Variants in TRIOBP observed in about 807,000 individuals in gnomAD.
The protein encoded by TRIOBP is TRIO and F-actin binding protein, also known as TRIO and F-actin-binding protein.
Under a neutral mutation model 238.8 loss-of-function variants are expected in TRIOBP, and 169 were observed. The observed-to-expected ratio is 0.71, with a 90% CI of 0.62 to 0.80. The LOEUF is 0.80. TRIOBP is among the 30% of genes least tolerant of loss of function. TRIOBP has a pLI of 0.00. For missense variants in TRIOBP, 2,838 were observed against 3,122.6 expected (o/e 0.91, Z 2.17); for synonymous variants, 1,150 against 1,274.4 (o/e 0.90, Z 2.08).
In TRIOBP at chr22:37,775,062, C is replaced by T. The variant is rs932261344; in HGVS notation, c.*1282C>T. On this transcript the variant is annotated 3_prime_UTR_variant, in exon 24 of 24. Coordinates refer to ENST00000644935, the MANE Select transcript of TRIOBP (RefSeq NM_001039141.3). Reference sequence around the variant, plus strand: ...GGTCCAGCGGGCTGGGAGTCCTCACCATGGCTGGCTGTGCTGATTATGGTT... The same window carrying T: ...GGTCCAGCGGGCTGGGAGTCCTCACTATGGCTGGCTGTGCTGATTATGGTT... 1 of 152,280 alleles carries T rather than the reference C, an allele frequency of 6.6e-6. No homozygotes were observed. Among genetic ancestry groups the T allele is most frequent in the African/African-American group, 2.4e-5 (1 of 41,424 alleles). 9.4% of individuals were successfully genotyped at this position (152,280 alleles called of 1,614,324 possible).
chr22:37,758,754 G>A (rs906603532), intron 16 of TRIOBP, among the ~76,000 whole-genome samples: 6 of 151,988 alleles, frequency 3.9e-5, no homozygotes, highest in African/African-American at 1.5e-4. Context: ...CTCCCTGCCT[G>A]CACTGACTCG....
Position 37,725,792 on chromosome 22 carries a change from A to G in TRIOBP, c.3236A>G (p.His1079Arg), listed in dbSNP as rs544880907. Residue 1079 changes from histidine (H) to arginine (R), a missense_variant, in exon 7 of 24, where the codon CAC becomes CGC. This residue lies in a region of TRIOBP where 2,096 missense variants were observed against 2,137.4 expected (regional missense o/e 0.98). Transcript: ENST00000644935. ...DAPRASSPPR[H>R]TQFDPFPFLP... Reference sequence around the variant, plus strand: ...CCCCGGGCGTCCTCGCCCCCCCGCCACACCCAATTTGACCCCTTCCCCTTC... The same window carrying G: ...CCCCGGGCGTCCTCGCCCCCCCGCCGCACCCAATTTGACCCCTTCCCCTTC... 1 of 1,069,600 alleles carries G rather than the reference A, an allele frequency of 9.3e-7. No individual in the cohort carries two copies. Among genetic ancestry groups the G allele is most frequent in the Non-Finnish European group, 1.2e-6 (1 of 833,776 alleles). The allele number at this position is 1,069,600 out of a possible 1,614,324, so 66.3% of individuals were successfully genotyped here. A position where few individuals can be genotyped will look rare whatever the true frequency, so the allele number is the denominator to read the frequency against.
At position 37,735,439 on chromosome 22, in the gene TRIOBP, G is replaced by A; in HGVS notation, c.5103G>A (p.Leu1701=). The A allele has an allele frequency of 6.4e-7, 1 of 1,559,832 alleles. No individual in the cohort carries two copies. Among genetic ancestry groups the A allele is most frequent in the Non-Finnish European group, 8.7e-7 (1 of 1,152,856 alleles). The change falls in exon 9 of 24, where the codon CTG becomes CTA. Residue 1701 remains leucine (L), a synonymous_variant. Coordinates refer to ENST00000644935, the MANE Select transcript of TRIOBP (RefSeq NM_001039141.3). The stretch of plus-strand genomic sequence containing the variant: ...CGAAGGGCCCCAGCTTGCCAGAGCT[G>A]CAGGTAAGGAGGTTTCCACCCTCCC... ...STAKGPSLPE[L]QFQPEEPEES...
At chr22:37,710,310 T>C in intron 3 of TRIOBP, 117 bp from the exon 4 acceptor site, 3 of 1,474,388 alleles carry the variant, frequency 2.0e-6, no homozygotes, top group Non-Finnish European at 2.8e-6. Flanking sequence ...CCTTGAGAAG[T>C]GCAGGATCCC....
At position 37,735,012 on chromosome 22, in the gene TRIOBP, G is replaced by C; in HGVS notation, c.4676G>C (p.Trp1559Ser). 1.2e-6 allele frequency: 2 copies of C among 1,612,260 alleles called. No individual in the cohort carries two copies. The highest frequency in any genetic ancestry group is 1.7e-6 in the Non-Finnish European group (2 of 1,179,070). Reference sequence around the variant, plus strand: ...TCTGAGAGGCGACCCGAGCTTGACTGGAGGGATCTGCTTGGCCTTCTCCGG... The same window carrying C: ...TCTGAGAGGCGACCCGAGCTTGACTCGAGGGATCTGCTTGGCCTTCTCCGG... Reference protein sequence around the residue: ...RGSERRPELDWRDLLGLLRAP... With the variant: ...RGSERRPELDSRDLLGLLRAP... Residue 1559 changes from tryptophan to serine, a missense_variant, in exon 9 of 24, where the codon TGG becomes TCG. Trp to Ser is a radical substitution (Grantham distance 177). Around this residue, in one of 5 missense-constraint regions of TRIOBP, gnomAD observed 2,096 missense variants for 2,137.4 expected, o/e 0.98. Coordinates refer to ENST00000644935, the MANE Select transcript of TRIOBP (RefSeq NM_001039141.3).
At chr22:37,748,707 C>T (rs1358953540) in intron 11 of TRIOBP, among the ~76,000 whole-genome samples, 1 of 152,118 alleles carries the variant, frequency 6.6e-6, no homozygotes, top group Non-Finnish European at 1.5e-5. Context: ...AAGTAAAGGG[C>T]CTCAAGATAG....
At chr22:37,752,708 C>T (rs1027567223) in intron 12 of TRIOBP, among the ~76,000 whole-genome samples, 7 of 152,250 alleles carry the variant, frequency 4.6e-5, no homozygotes, top group Non-Finnish European at 8.8e-5. Context: ...ACACAAAGCC[C>T]GGCACCCCGC....
In TRIOBP at chr22:37,698,354, C is replaced by CTTTT. The variant is rs1175913171; in HGVS notation, c.-61+679_-61+682dup. 3.5e-3 allele frequency among the ~76,000 whole-genome samples: 201 copies of CTTTT among 57,912 alleles called. 4 individuals are homozygous for CTTTT. Among genetic ancestry groups the CTTTT allele is most frequent in the Non-Finnish European group, 4.3e-3 (145 of 33,918 alleles). The allele number at this position is 57,912 out of a possible 152,430, so 38.0% of individuals were successfully genotyped here. On this transcript the variant is annotated intron_variant, in intron 2 of 23. Transcript: ENST00000644935. ...CCAGCCTGGGTAACACTGCAAGAGC[C>CTTTT]TTTTTTTTTTTTTTTTTTTTTTTTG...
chr22:37,709,681 G>T lies in TRIOBP; in HGVS notation c.115-746G>T, dbSNP rs536518540. ...CGCTCTCCAGAGGTGGGGAGGAATT[G>T]GGGGGGGCCCTGGAGGTGAGCAGCC... On this transcript the variant is annotated intron_variant, in intron 3 of 23. Coordinates refer to ENST00000644935, the MANE Select transcript of TRIOBP (RefSeq NM_001039141.3). Among the ~76,000 whole-genome samples, 7 of 152,032 alleles carry T rather than the reference G, an allele frequency of 4.6e-5. No individual in the cohort carries two copies. The South Asian group carries it at 8.3e-4, about 18-fold the overall frequency.
Position 37,765,714 on chromosome 22 carries a change from G to A in TRIOBP, c.6369G>A (p.Gln2123=). ...TGGCAGAGATGGAGTCCTCGCACCA[G>A]CAGGTGATGGAGGAGCTGCAGCGGC... is the stretch of plus-strand genomic sequence containing the variant. ...RSLAEMESSH[Q]QVMEELQRHH... is the part of the protein sequence containing the mutation. The change falls in exon 18 of 24, where the codon CAG becomes CAA. Residue 2123 remains glutamine, a synonymous_variant. Transcript: ENST00000644935. 6.4e-7 allele frequency: 1 copy of A among 1,558,040 alleles called. No individual in the cohort carries two copies. The highest frequency in any genetic ancestry group is 1.2e-5 in the South Asian group (1 of 84,578).
rs1260757384 is a variant in TRIOBP, at chr22:37,699,006, C to G, written c.-61+1310C>G. 1.3e-5 allele frequency among the ~76,000 whole-genome samples: 2 copies of G among 151,988 alleles called. 1 individual carries two copies. Among genetic ancestry groups the G allele is most frequent in the East Asian group, 3.9e-4 (2 of 5,174 alleles). On this transcript the variant is annotated intron_variant, in intron 2 of 23. Coordinates refer to ENST00000644935, the MANE Select transcript of TRIOBP (RefSeq NM_001039141.3). ...AAATACAAAAATTAGCCAGGCATGACGGTGCATGCCTGTGATCCCAGATAC... is the reference window on the plus strand; with the variant it reads ...AAATACAAAAATTAGCCAGGCATGAGGGTGCATGCCTGTGATCCCAGATAC...
rs200665858 is a variant in TRIOBP at position 37,726,245 on chromosome 22, C to T, written c.3689C>T (p.Pro1230Leu). 82 of 1,611,366 alleles carry T rather than the reference C, an allele frequency of 5.1e-5. No individual in the cohort carries two copies. The East Asian group carries it at 1.8e-3, about 35-fold the overall frequency. The change falls in exon 7 of 24, where the codon CCC becomes CTC. Residue 1230 changes from proline (P) to leucine (L), a missense_variant. Around this residue, in one of 5 missense-constraint regions of TRIOBP, gnomAD observed 2,096 missense variants for 2,137.4 expected, o/e 0.98. Transcript: ENST00000644935. The part of the protein sequence containing the change: ...HRDAPRASSP[P>L]RHPPSDLAFL... ...GATGCACCCCGAGCCTCCTCCCCACCCCGCCACCCACCCAGTGACCTAGCG... is the reference window on the plus strand; with the variant it reads ...GATGCACCCCGAGCCTCCTCCCCACTCCGCCACCCACCCAGTGACCTAGCG...
intron 23 of TRIOBP, 43 bp downstream of exon 23, chr22:37,772,807 A>C: frequency 6.3e-7 from 1 of 1,599,622 alleles, no homozygotes; most frequent in Non-Finnish European, 8.5e-7. Flanking sequence ...GCAGGGGCTG[A>C]GGCTCTCCCA....
At position 37,723,449 on chromosome 22, in the gene TRIOBP, A is replaced by G. The variant is rs1162049535; in HGVS notation, c.893A>G (p.Glu298Gly). ...TCCAGGGCCTCATCCACCCAACAGG[A>G]AATCTCCAGGGCCTCATCCACCCAA... ...DTSRASSTQQ[E>G]ISRASSTQQE... Residue 298 changes from glutamate (E) to glycine (G), a missense_variant, in exon 7 of 24, where the codon GAA becomes GGA. Coordinates refer to ENST00000644935, the MANE Select transcript of TRIOBP (RefSeq NM_001039141.3). 8 of 1,613,378 alleles carry G rather than the reference A, an allele frequency of 5.0e-6. No homozygotes were observed. Among genetic ancestry groups the G allele is most frequent in the Non-Finnish European group, 6.8e-6 (8 of 1,179,808 alleles).
intron 11 of TRIOBP, among the ~76,000 whole-genome samples, chr22:37,749,905 G>A (rs1237988285): frequency 1.3e-5 from 2 of 152,008 alleles, no homozygotes; most frequent in African/African-American, 4.8e-5. Context: ...AGTAAGCTGT[G>A]ATCACACCAC....
At chr22:37,761,206 G>A (rs1363532179) in intron 17 of TRIOBP, among the ~76,000 whole-genome samples, 3 of 152,096 alleles carry the variant, frequency 2.0e-5, no homozygotes, top group East Asian at 1.9e-4. Context: ...TCAGCACTTT[G>A]GGAGGTGAGG....
rs760883750 is a variant in TRIOBP, at chr22:37,710,569, G to A, written c.254+3G>A. 2.5e-6 allele frequency: 4 copies of A among 1,609,036 alleles called. No individual in the cohort carries two copies. The highest frequency in any genetic ancestry group is 3.4e-6 in the Non-Finnish European group (4 of 1,179,406). ...GGCCTCAGGCCAGGGCCCAAGAGGT[G>A]GGTAGAGTCCCAGGGCCCAGGAAGG... On this transcript the variant is annotated splice_donor_region_variant and intron_variant, in intron 4 of 23. Transcript: ENST00000644935.
chr22:37,725,077 C>T lies in TRIOBP; in HGVS notation c.2521C>T (p.Arg841Ter), dbSNP rs1295849619. 1.3e-5 allele frequency: 21 copies of T among 1,614,094 alleles called. No homozygotes were observed. The highest frequency in any genetic ancestry group is 1.6e-4 in the Middle Eastern group (1 of 6,084). Reference sequence around the variant, plus strand: ...CAACCCTAAAACCTCTTGTACCAAACGAGATAACCTCAGACCCACTTGTAC... The same window carrying T: ...CAACCCTAAAACCTCTTGTACCAAATGAGATAACCTCAGACCCACTTGTAC... ...QDNPKTSCTKRDNLRPTCTQR... is the reference protein window; with the variant it reads ...QDNPKTSCTK The change falls in exon 7 of 24, where the codon CGA becomes TGA. Residue 841 changes from arginine (R) to a stop codon, truncating the protein, a stop_gained. Transcript: ENST00000644935. LOFTEE classifies it high-confidence loss of function.
At chr22:37,749,213 G>C (rs968101015) in intron 11 of TRIOBP, among the ~76,000 whole-genome samples, 1 of 152,104 alleles carries the variant, frequency 6.6e-6, no homozygotes, top group Non-Finnish European at 1.5e-5. Flanking sequence ...AAATTTGCTG[G>C]ACATGGTGGT....
Sources: gnomAD v4.1 joint callset for allele counts (sites outside exome capture counted in the v4.1 genomes callset) on GRCh38, gnomAD v4.1.1 for gene constraint, gnomAD v4.1.1 regional missense constraint, MANE v1.5 for transcripts, NCBI Gene and HGNC (gene_info 2026-07-23, HGNC 2026-07-21) for gene names.